Variants in WDR7 observed in about 807,000 individuals in gnomAD.
WDR7 encodes WD repeat domain 7, also known as WD repeat-containing protein 7.
WDR7 carries 46 observed loss-of-function variants against 169.4 expected under a neutral mutation model. That is an observed-to-expected ratio of 0.27 (90% CI 0.21 to 0.35). The LOEUF is 0.35. Among genes scored for constraint, WDR7 ranks in the 10% least tolerant of loss-of-function variants. WDR7 has a pLI of 1.00. For missense variants in WDR7, 1,534 were observed against 1,859.3 expected (o/e 0.83, Z 3.22); for synonymous variants, 612 against 666.8 (o/e 0.92, Z 1.27).
chr18:56,676,089 C>T (rs1210982956), intron 2 of WDR7, among the ~76,000 whole-genome samples: 2 of 152,056 alleles, frequency 1.3e-5, no homozygotes, highest in African/African-American at 4.8e-5. Flanking sequence ...AATTGTTATA[C>T]CCTCTTGCTG....
intron 25 of WDR7, among the ~76,000 whole-genome samples, chr18:56,948,706 C>G (rs1405977957): frequency 6.6e-6 from 1 of 152,236 alleles, no homozygotes; most frequent in East Asian, 1.9e-4. Context: ...AACAGGCAAA[C>G]TGATGAGCTT....
At chr18:56,754,659 G>A (rs1409594264) in intron 14 of WDR7, among the ~76,000 whole-genome samples, 1 of 152,016 alleles carries the variant, frequency 6.6e-6, no homozygotes, top group Non-Finnish European at 1.5e-5. Flanking sequence ...TATAAATTCT[G>A]CAATATTTAT....
intron 21 of WDR7, among the ~76,000 whole-genome samples, chr18:56,894,450 A>G (rs1410056506): frequency 6.6e-6 from 1 of 151,980 alleles, no homozygotes; most frequent in African/African-American, 2.4e-5. Flanking sequence ...TTTCCCCCAG[A>G]TACCTGCTTG....
intron 16 of WDR7, among the ~76,000 whole-genome samples, chr18:56,765,275 T>G (rs542224012): frequency 8.5e-5 from 13 of 152,132 alleles, no homozygotes; most frequent in African/African-American, 2.2e-4. Context: ...TCTGTTATCC[T>G]ACTACCTTAT....
At chr18:56,748,526 T>C (rs2043738843) in intron 14 of WDR7, among the ~76,000 whole-genome samples, 1 of 152,208 alleles carries the variant, frequency 6.6e-6, no homozygotes, top group Admixed American at 6.5e-5. Context: ...ACATCTATAC[T>C]TAATGGTTAC....
chr18:56,977,768 C>T (rs2047588258), intron 26 of WDR7, among the ~76,000 whole-genome samples: 2 of 152,080 alleles, frequency 1.3e-5, no homozygotes, highest in Admixed American at 1.3e-4. Flanking sequence ...TATAAGAAAA[C>T]ATCTACATAA....
chr18:56,901,955 C>T (rs932731975), intron 21 of WDR7, among the ~76,000 whole-genome samples: 3 of 151,994 alleles, frequency 2.0e-5, no homozygotes, highest in Non-Finnish European at 2.9e-5. Flanking sequence ...GTTTGAAGGG[C>T]GAATACTACT....
chr18:56,918,983 T>A (rs2046670755), intron 21 of WDR7, among the ~76,000 whole-genome samples: 1 of 152,240 alleles, frequency 6.6e-6, no homozygotes, highest in Non-Finnish European at 1.5e-5. Flanking sequence ...AAAATAGCTT[T>A]AAGCAATAGA....
intron 23 of WDR7, among the ~76,000 whole-genome samples, chr18:56,936,417 C>T (rs1296289336): frequency 6.6e-6 from 1 of 152,108 alleles, no homozygotes; most frequent in East Asian, 1.9e-4. Flanking sequence ...AACTGGAAAA[C>T]TAGTAAAGAA....
chr18:56,891,304 G>T (rs1253313685), intron 21 of WDR7, among the ~76,000 whole-genome samples: 2 of 151,962 alleles, frequency 1.3e-5, no homozygotes, highest in African/African-American at 2.4e-5. Context: ...GCTTGGTTTC[G>T]AATCTTGGTA....
intron 20 of WDR7, among the ~76,000 whole-genome samples, chr18:56,842,391 C>T (rs941553961): frequency 4.6e-5 from 7 of 152,074 alleles, no homozygotes; most frequent in South Asian, 2.1e-4. Flanking sequence ...AGCATTAGTC[C>T]GTTCACTAAG....
chr18:56,713,024 T>C (rs1364767213), intron 12 of WDR7, among the ~76,000 whole-genome samples: 4 of 152,134 alleles, frequency 2.6e-5, no homozygotes. Context: ...TTGTTTCCAC[T>C]TAAAATGTGC....
At chr18:56,890,146 T>C (rs2046245392) in intron 21 of WDR7, among the ~76,000 whole-genome samples, 2 of 152,196 alleles carry the variant, frequency 1.3e-5, no homozygotes. Flanking sequence ...ATTGCTTACC[T>C]GTTATTATGA....
chr18:56,885,336 CAAG>C (rs1323894981), intron 21 of WDR7, among the ~76,000 whole-genome samples: 2 of 151,910 alleles, frequency 1.3e-5, no homozygotes, highest in Non-Finnish European at 2.9e-5. Flanking sequence ...TTAAGCTAAT[CAAG>C]GAGGCACCAG....
chr18:56,954,816 A>G (rs1325191990), intron 25 of WDR7, among the ~76,000 whole-genome samples: 1 of 152,174 alleles, frequency 6.6e-6, no homozygotes, highest in African/African-American at 2.4e-5. Context: ...TCAAGGTAAA[A>G]TAAGTGTTTA....
At chr18:56,962,651 A>T in intron 26 of WDR7, 122 bp downstream of exon 26, 1 of 851,128 alleles carries the variant, frequency 1.2e-6, no homozygotes, top group African/African-American at 1.7e-5. Context: ...TGCTAAAGGG[A>T]TCAATAGTTT....
intron 26 of WDR7, among the ~76,000 whole-genome samples, chr18:57,005,924 G>T (rs2048051516): frequency 6.6e-6 from 1 of 152,082 alleles, no homozygotes; most frequent in African/African-American, 2.4e-5. Flanking sequence ...GGACAAGCTT[G>T]GTCTAAATAA....
chr18:56,743,282 T>C (rs569437921), intron 14 of WDR7, among the ~76,000 whole-genome samples: 1 of 151,964 alleles, frequency 6.6e-6, no homozygotes, highest in East Asian at 1.9e-4. Flanking sequence ...TTTAAGAGAG[T>C]GAAACTTGAG....
At chr18:56,906,486 A>C (rs947325024) in intron 21 of WDR7, among the ~76,000 whole-genome samples, 8 of 151,918 alleles carry the variant, frequency 5.3e-5, no homozygotes. Context: ...TTGAAGCTGG[A>C]TGATGGGTAC....
Sources: gnomAD v4.1 joint callset for allele counts (sites outside exome capture counted in the v4.1 genomes callset) on GRCh38, gnomAD v4.1.1 for gene constraint, MANE v1.5 for transcripts, NCBI Gene and HGNC (gene_info 2026-07-23, HGNC 2026-07-21) for gene names.